Variants in ZNF367 observed in about 807,000 individuals in gnomAD.
ZNF367 encodes C2H2 zinc finger protein ZFF29.
ZNF367 carries 11 observed loss-of-function variants against 31.8 expected under a neutral mutation model. The observed-to-expected ratio is 0.35, with a 90% CI of 0.22 to 0.57. The LOEUF (loss-of-function observed/expected upper bound fraction) is 0.57. Ranked by LOEUF, ZNF367 falls within the 20% of genes least tolerant of loss-of-function variation. ZNF367 has a pLI of 0.85. For synonymous variants in ZNF367, 199 were observed against 202.4 expected (o/e 0.98, Z 0.14); for missense variants, 353 against 484.1 (o/e 0.73, Z 2.54).
In ZNF367 at chr9:96,394,808, C is replaced by T. The variant is rs561653437; in HGVS notation, c.691+15G>A. ...ACAACTAGTTATTCCATAAACTTAACTTCTAACACCGTACCATTTTCTGAA... is the reference window on the plus strand; with the variant it reads ...ACAACTAGTTATTCCATAAACTTAATTTCTAACACCGTACCATTTTCTGAA... On this transcript the variant is annotated intron_variant, in intron 3 of 4. Transcript: ENST00000375256. 8.7e-6 allele frequency: 14 copies of T among 1,612,750 alleles called. No homozygotes were observed. Among genetic ancestry groups the T allele is most frequent in the Admixed American group, 3.3e-5 (2 of 59,968 alleles).
rs546130276 is a variant in ZNF367 at position 96,407,761 on chromosome 9, A to G, written c.421-9447T>C. ...GTGCTTTGTTGGAGATGGCTTTACAAGAAAACCACCTAAATATGAAAGATT... is the reference window on the plus strand; with the variant it reads ...GTGCTTTGTTGGAGATGGCTTTACAGGAAAACCACCTAAATATGAAAGATT... On this transcript the variant is annotated intron_variant, in intron 1 of 4. Coordinates refer to ENST00000375256, the MANE Select transcript of ZNF367 (RefSeq NM_153695.4). The G allele has an allele frequency of 1.3e-5, 17 of 1,355,996 alleles. No homozygotes were observed. In the African/African-American group the frequency reaches 1.8e-4, roughly 14 times the overall value. 84.0% of individuals were successfully genotyped at this position (1,355,996 alleles called of 1,614,324 possible).
chr9:96,388,325 C>T lies in ZNF367; in HGVS notation c.965G>A (p.Arg322His), dbSNP rs199779489. The T allele has an allele frequency of 1.2e-6, 2 of 1,612,532 alleles. No individual in the cohort carries two copies. Among genetic ancestry groups the T allele is most frequent in the Non-Finnish European group, 1.7e-6 (2 of 1,179,998 alleles). The change falls in exon 5 of 5, where the codon CGC (arginine) becomes CAC (histidine). Residue 322 changes from arginine (R) to histidine (H), a missense_variant. Coordinates refer to ENST00000375256, the MANE Select transcript of ZNF367 (RefSeq NM_153695.4). ...EEDDEKRGAQ[R>H]RLQEQRERLH... ...GCGCTCCCGCTGCTCCTGCAGCCGG[C>T]GCTGGGCCCCTCTCTTCTCGTCGTC... is the stretch of plus-strand genomic sequence containing the variant.
At chr9:96,400,222 C>T (rs1831584284) in intron 1 of ZNF367, among the ~76,000 whole-genome samples, 1 of 151,464 alleles carries the variant, frequency 6.6e-6, no homozygotes. Context: ...CATAGCAAGA[C>T]CCCCTTTCTA....
Position 96,387,513 on chromosome 9 carries a change from T to A in ZNF367, c.*724A>T, listed in dbSNP as rs1831418590. ...TTCAGCAAATGAGAAATATGAAATG[T>A]GCAAAAGTTCCCAAGTTAACATGCT... is the stretch of plus-strand genomic sequence containing the variant. On this transcript the variant is annotated 3_prime_UTR_variant, in exon 5 of 5. Transcript: ENST00000375256. The A allele has an allele frequency of 6.6e-6, 1 of 152,208 alleles. No individual in the cohort carries two copies. Among genetic ancestry groups the A allele is most frequent in the African/African-American group, 2.4e-5 (1 of 41,458 alleles). 9.4% of individuals were successfully genotyped at this position (152,208 alleles called of 1,614,324 possible).
Position 96,418,303 on chromosome 9 carries a change from C to T in ZNF367, c.-271G>A, listed in dbSNP as rs1056562852. ...GGTGGGAAGCAGCGGGCGGCCCGGCCCTTGCGGTGACAGGAAAGCAGGACG... is the reference window on the plus strand; with the variant it reads ...GGTGGGAAGCAGCGGGCGGCCCGGCTCTTGCGGTGACAGGAAAGCAGGACG... On this transcript the variant is annotated 5_prime_UTR_variant, in exon 1 of 5. Transcript: ENST00000375256. 2.4e-6 allele frequency: 1 copy of T among 412,458 alleles called. No homozygotes were observed. Among genetic ancestry groups the T allele is most frequent in the Non-Finnish European group, 4.1e-6 (1 of 242,422 alleles). 25.5% of individuals were successfully genotyped at this position (412,458 alleles called of 1,614,324 possible). A position where few individuals can be genotyped will look rare whatever the true frequency, so the allele number is the denominator to read the frequency against.
intron 1 of ZNF367, among the ~76,000 whole-genome samples, chr9:96,411,922 G>T (rs914357311): frequency 1.3e-5 from 2 of 152,062 alleles, no homozygotes; most frequent in African/African-American, 4.8e-5. Context: ...CCGCCTCCTG[G>T]GTTCATGCGA....
At chr9:96,407,855 C>G (rs1831690903) in intron 1 of ZNF367, 1 of 635,590 alleles carries the variant, frequency 1.6e-6, no homozygotes, top group Admixed American at 3.1e-5. Flanking sequence ...ATCCGCCCGC[C>G]TTAGCCTCCC....
At chr9:96,415,413 C>T (rs1831808237) in intron 1 of ZNF367, among the ~76,000 whole-genome samples, 1 of 149,196 alleles carries the variant, frequency 6.7e-6, no homozygotes, top group African/African-American at 2.5e-5. Flanking sequence ...AGAGGCAGCC[C>T]AACAGCAACT....
chr9:96,399,230 C>G (rs2025151), intron 1 of ZNF367, among the ~76,000 whole-genome samples: 43,580 of 151,726 alleles, frequency 0.29, 8,490 homozygotes, highest in African/African-American at 0.56. Flanking sequence ...AATGAGGCTA[C>G]AGTAGAGTTG....
intron 1 of ZNF367, among the ~76,000 whole-genome samples, chr9:96,410,060 G>T (rs547641621): frequency 5.3e-5 from 8 of 152,006 alleles, no homozygotes; most frequent in African/African-American, 1.7e-4. Context: ...TGGATCACGA[G>T]GTCAGGAGAT....
intron 1 of ZNF367, among the ~76,000 whole-genome samples, chr9:96,408,749 A>T (rs1287986775): frequency 6.6e-6 from 1 of 152,194 alleles, no homozygotes; most frequent in Non-Finnish European, 1.5e-5. Context: ...TAAGGTAGAA[A>T]ATATTATCGG....
Position 96,417,723 on chromosome 9 carries a change from A to C in ZNF367, c.310T>G (p.Ser104Ala). 1.7e-6 allele frequency: 2 copies of C among 1,200,866 alleles called. No homozygotes were observed. The highest frequency in any genetic ancestry group is 2.1e-6 in the Non-Finnish European group (2 of 963,068). 74.4% of individuals were successfully genotyped at this position (1,200,866 alleles called of 1,614,324 possible). ...GGCGCGCCCCGGCCACGAAGCCCCG[A>C]GTGCTCGGCGGCTGCGGCTGCAGGC... The part of the protein sequence containing the change: ...ALPAAAAAEH[S>A]GLRGRGAPPP... Residue 104 changes from serine to alanine, a missense_variant, in exon 1 of 5, where the codon TCG becomes GCG. By Grantham distance (99) the Ser-to-Ala change is moderately conservative. Transcript: ENST00000375256. The surrounding 1 kb of genome is among the most constrained non-coding windows in gnomAD (Gnocchi z 5.0).
chr9:96,417,964 G>C lies in ZNF367; in HGVS notation c.69C>G (p.Cys23Trp). ...CCAGCACCCGCTTCGGGGAGTCGTG[G>C]CAGAAGATGACGGGCGGCGGCGGCG... Reference protein sequence around the residue: ...PPPPPPPVIFCHDSPKRVLVS... With the variant: ...PPPPPPPVIFWHDSPKRVLVS... The change falls in exon 1 of 5, where the codon TGC becomes TGG. Residue 23 changes from cysteine (C) to tryptophan (W), a missense_variant. Around this residue, in one of 5 missense-constraint regions of ZNF367, gnomAD observed 94 missense variants for 86.7 expected, o/e 1.08. Transcript: ENST00000375256. This position sits in a 1 kb window ranked among gnomAD's most constrained non-coding sequence, Gnocchi z 5.0. 3 of 1,483,364 alleles carry C rather than the reference G, an allele frequency of 2.0e-6. No individual in the cohort carries two copies. The highest frequency in any genetic ancestry group is 2.7e-6 in the Non-Finnish European group (3 of 1,124,080). The allele number at this position is 1,483,364 out of a possible 1,614,324, so 91.9% of individuals were successfully genotyped here.
chr9:96,398,216 A>G lies in ZNF367; in HGVS notation c.519T>C (p.Asn173=). The stretch of plus-strand genomic sequence containing the variant: ...GCGATTTCTCCCGTGGAAACACCCT[A>G]TTACAGATGTTACAACGGATTCTGC... ...SSSRIRCNIC[N]RVFPREKSLQ... is the part of the protein sequence containing the mutation. The change falls in exon 2 of 5, where the codon AAT becomes AAC. Residue 173 remains asparagine (N), a synonymous_variant. Coordinates refer to ENST00000375256, the MANE Select transcript of ZNF367 (RefSeq NM_153695.4). 6.2e-7 allele frequency: 1 copy of G among 1,612,592 alleles called. No homozygotes were observed. Among genetic ancestry groups the G allele is most frequent in the South Asian group, 1.1e-5 (1 of 90,988 alleles).
Position 96,387,620 on chromosome 9 carries a change from T to C in ZNF367, c.*617A>G, listed in dbSNP as rs1399064975. On this transcript the variant is annotated 3_prime_UTR_variant, in exon 5 of 5. Coordinates refer to ENST00000375256, the MANE Select transcript of ZNF367 (RefSeq NM_153695.4). ...TAGAATAAGACTGATTTTGCTCCAA[T>C]TTCAAAAATTCTGAACTATTGTGCA... 3 of 152,216 alleles carry C rather than the reference T, an allele frequency of 2.0e-5. No individual in the cohort carries two copies. Among genetic ancestry groups the C allele is most frequent in the African/African-American group, 2.4e-5 (1 of 41,456 alleles). The allele number at this position is 152,216 out of a possible 1,614,324, so 9.4% of individuals were successfully genotyped here.
In ZNF367 at chr9:96,417,582, TCCCGCCCG is replaced by T. The variant is rs746476113; in HGVS notation, c.420+23_420+30del. The T allele has an allele frequency of 7.9e-5, 33 of 417,782 alleles. No homozygotes were observed. Among genetic ancestry groups the T allele is most frequent in the Middle Eastern group, 6.8e-4 (1 of 1,470 alleles). 25.9% of individuals were successfully genotyped at this position (417,782 alleles called of 1,614,324 possible). A position where few individuals can be genotyped will look rare whatever the true frequency, so the allele number is the denominator to read the frequency against. Reference sequence around the variant, plus strand: ...GTTAACGGGCCCCGGCTGCCCCACGTCCCGCCCGCCCGCCCGCCCGCGCCGCTCACCTT... The same window carrying T: ...GTTAACGGGCCCCGGCTGCCCCACGTCCCGCCCGCCCGCGCCGCTCACCTT... On this transcript the variant is annotated intron_variant, in intron 1 of 4. Coordinates refer to ENST00000375256, the MANE Select transcript of ZNF367 (RefSeq NM_153695.4). This position sits in a 1 kb window ranked among gnomAD's most constrained non-coding sequence, Gnocchi z 5.0.
chr9:96,394,470 A>G (rs1250303151), intron 3 of ZNF367, among the ~76,000 whole-genome samples: 2 of 152,210 alleles, frequency 1.3e-5, no homozygotes, highest in Admixed American at 6.5e-5. Context: ...ACATTCTAAA[A>G]TAAGTTAAGA....
Position 96,418,115 on chromosome 9 carries a change from C to CGCAGGCTCAGTCCTGCCGGCTCATG in ZNF367, c.-108_-84dup, listed in dbSNP as rs1334561842. 1.2e-5 allele frequency: 15 copies of CGCAGGCTCAGTCCTGCCGGCTCATG among 1,283,064 alleles called. No individual in the cohort carries two copies. The allele number at this position is 1,283,064 out of a possible 1,614,324, so 79.5% of individuals were successfully genotyped here. Reference sequence around the variant, plus strand: ...GCCCCTCACTCGCTCTGCTCCGAGTCGCAGGCTCAGTCCTGCCGGCTCATG... The same window carrying CGCAGGCTCAGTCCTGCCGGCTCATG: ...GCCCCTCACTCGCTCTGCTCCGAGTCGCAGGCTCAGTCCTGCCGGCTCATGGCAGGCTCAGTCCTGCCGGCTCATG... On this transcript the variant is annotated 5_prime_UTR_variant, in exon 1 of 5. The change creates a new upstream start codon in the 5' untranslated region. Coordinates refer to ENST00000375256, the MANE Select transcript of ZNF367 (RefSeq NM_153695.4).
At chr9:96,394,739 C>T (rs1178603188) in intron 3 of ZNF367, 84 bp downstream of exon 3, 1 of 1,294,702 alleles carries the variant, frequency 7.7e-7, no homozygotes, top group African/African-American at 1.5e-5. Flanking sequence ...AAAAATCTTT[C>T]CCCTCAAAAA....
Sources: allele counts gnomAD v4.1 joint callset (sites outside exome capture counted in the v4.1 genomes callset), GRCh38; gene constraint gnomAD v4.1.1; regional missense constraint gnomAD v4.1.1; non-coding constraint Gnocchi (gnomAD v3.1); transcripts MANE v1.5; gene names NCBI Gene and HGNC (gene_info 2026-07-23, HGNC 2026-07-21).